The following EYS variants were observed in gnomAD, a reference collection of about 807,000 sequenced individuals.
EYS encodes EGF-like photoreceptor maintenance factor.
Under a neutral mutation model 282.1 loss-of-function variants are expected in EYS, and 250 were observed. The ratio of observed to expected loss-of-function variants is 0.89; its 90% CI spans 0.80 to 0.98. The LOEUF is 0.98. Among genes scored for constraint, EYS ranks in the 50% least tolerant of loss-of-function variants. The pLI, the probability that EYS is intolerant of heterozygous loss-of-function variation, is 0.00. For missense variants in EYS, 4,016 were observed against 3,709.0 expected (o/e 1.08, Z -2.15); for synonymous variants, 1,355 against 1,282.9 (o/e 1.06, Z -1.20).
intron 10 of EYS, among the ~76,000 whole-genome samples, chr6:65,341,118 G>A (rs555900943): frequency 6.6e-6 from 1 of 151,180 alleles, no homozygotes; most frequent in Non-Finnish European, 1.5e-5. Context: ...GGAGAGGAAA[G>A]CGTGGGTTCT....
intron 22 of EYS, among the ~76,000 whole-genome samples, chr6:64,667,078 G>A (rs1769257633): frequency 1.3e-5 from 2 of 151,736 alleles, no homozygotes; most frequent in South Asian, 4.1e-4. Flanking sequence ...GAGTTTCATA[G>A]TTGATATTTA....
chr6:65,070,833 A>G (rs1478817658), intron 12 of EYS, among the ~76,000 whole-genome samples: 1 of 151,874 alleles, frequency 6.6e-6, no homozygotes, highest in Non-Finnish European at 1.5e-5. Context: ...TTTCCCTACT[A>G]TTGACCATTT....
chr6:64,060,474 AAGT>A (rs957889979), intron 33 of EYS, among the ~76,000 whole-genome samples: 8 of 152,114 alleles, frequency 5.3e-5, no homozygotes, highest in African/African-American at 1.7e-4. Flanking sequence ...GTATTATAAG[AAGT>A]AGTCTATTTT....
chr6:64,641,837 A>G (rs1182684778), intron 22 of EYS, among the ~76,000 whole-genome samples: 1 of 152,198 alleles, frequency 6.6e-6, no homozygotes, highest in Non-Finnish European at 1.5e-5. Flanking sequence ...TGAACCTCAT[A>G]TGCAGGGGAA....
intron 19 of EYS, among the ~76,000 whole-genome samples, chr6:64,851,807 G>A (rs1354325962): frequency 6.6e-6 from 1 of 152,002 alleles, no homozygotes; most frequent in African/African-American, 2.4e-5. Context: ...AGGGTGGAGG[G>A]TGGGAGAAGG....
chr6:64,984,893 G>A lies in EYS; in HGVS notation c.2259+12689C>T, dbSNP rs1410248798. On this transcript the variant is annotated intron_variant, in intron 14 of 42. Coordinates refer to ENST00000503581, the MANE Select transcript of EYS (RefSeq NM_001142800.2). ...GCTTCCGGAAATTATTGACTTTCAAGAATTTTTGAGATTCTGCCTCCCTTT... is the reference window on the plus strand; with the variant it reads ...GCTTCCGGAAATTATTGACTTTCAAAAATTTTTGAGATTCTGCCTCCCTTT... Among the ~76,000 whole-genome samples, 4 of 151,402 alleles carry A rather than the reference G, an allele frequency of 2.6e-5. No homozygotes were observed. The Admixed American group carries it at 2.6e-4, about 10-fold the overall frequency.
chr6:65,434,239 G>C (rs1352679942), intron 5 of EYS, among the ~76,000 whole-genome samples: 2 of 151,696 alleles, frequency 1.3e-5, no homozygotes, highest in African/African-American at 4.8e-5. Flanking sequence ...CAAGTATTGT[G>C]ACATAAAATT....
intron 35 of EYS, among the ~76,000 whole-genome samples, chr6:63,868,322 G>GA (rs1772717317): frequency 1.3e-5 from 2 of 152,008 alleles, no homozygotes; most frequent in Non-Finnish European, 2.9e-5. Flanking sequence ...GTTACCTTTA[G>GA]AAAAATTTAG....
chr6:64,545,767 C>A (rs567616343), intron 26 of EYS, among the ~76,000 whole-genome samples: 1 of 152,118 alleles, frequency 6.6e-6, no homozygotes, highest in Non-Finnish European at 1.5e-5. Context: ...AACTCCCATT[C>A]ACAATTGTTT....
chr6:64,623,282 A>C (rs1388863909), intron 23 of EYS, among the ~76,000 whole-genome samples: 1 of 152,126 alleles, frequency 6.6e-6, no homozygotes, highest in Non-Finnish European at 1.5e-5. Context: ...CTTTATGAGG[A>C]GTTTCTCTTC....
intron 7 of EYS, among the ~76,000 whole-genome samples, chr6:65,401,358 T>C (rs1766486572): frequency 6.6e-6 from 1 of 151,536 alleles, no homozygotes; most frequent in Admixed American, 6.6e-5. Context: ...AATTTTTTTT[T>C]AATCAGTCAG....
intron 29 of EYS, among the ~76,000 whole-genome samples, chr6:64,332,307 G>A (rs922726554): frequency 6.6e-6 from 1 of 152,156 alleles, no homozygotes; most frequent in Admixed American, 6.5e-5. Context: ...AATAAATTGG[G>A]GAATTAACCT....
chr6:64,598,136 A>G (rs1042058382), intron 24 of EYS, among the ~76,000 whole-genome samples: 21 of 152,212 alleles, frequency 1.4e-4, no homozygotes, highest in African/African-American at 5.1e-4. Flanking sequence ...ATCCCTTACC[A>G]TAATGGATAC....
chr6:64,250,679 G>A (rs1019935140), intron 30 of EYS, among the ~76,000 whole-genome samples: 7 of 152,184 alleles, frequency 4.6e-5, no homozygotes, highest in South Asian at 2.1e-4. Flanking sequence ...CGATAAATTC[G>A]TGCTGGATAT....
Position 65,625,229 on chromosome 6 carries a change from A to T in EYS, c.-333+14549T>A, listed in dbSNP as rs559331368. Among the ~76,000 whole-genome samples, 50 of 152,322 alleles carry T rather than the reference A, an allele frequency of 3.3e-4. 1 individual carries two copies. The South Asian group carries it at 8.5e-3, about 26-fold the overall frequency. The stretch of plus-strand genomic sequence containing the variant: ...ATCTGAGCGAGCAAGGAAACAGATT[A>T]TCTTATATTCCCCGAAAAGCCATGG... On this transcript the variant is annotated intron_variant, in intron 2 of 42. Coordinates refer to ENST00000503581, the MANE Select transcript of EYS (RefSeq NM_001142800.2).
intron 2 of EYS, among the ~76,000 whole-genome samples, chr6:65,503,558 C>A (rs1766538513): frequency 6.6e-6 from 1 of 151,574 alleles, no homozygotes; most frequent in Admixed American, 6.6e-5. Context: ...CCTATGTTTT[C>A]TCCTAGAAAT....
At position 64,340,114 on chromosome 6, in the gene EYS, C is replaced by T. The variant is rs183906145; in HGVS notation, c.6079-33032G>A. On this transcript the variant is annotated intron_variant, in intron 29 of 42. Coordinates refer to ENST00000503581, the MANE Select transcript of EYS (RefSeq NM_001142800.2). ...ATTTAACAATTTAAATAGGTTTTGCCTATTTTTCAGCCCTGTAGAAGTATA... is the reference window on the plus strand; with the variant it reads ...ATTTAACAATTTAAATAGGTTTTGCTTATTTTTCAGCCCTGTAGAAGTATA... Among the ~76,000 whole-genome samples the T allele has an allele frequency of 3.2e-3, 477 of 151,398 alleles. 2 individuals carry two copies. Among genetic ancestry groups the T allele is most frequent in the African/African-American group, 0.011 (445 of 41,330 alleles).
At chr6:65,218,821 G>T (rs1334331751) in intron 12 of EYS, among the ~76,000 whole-genome samples, 1 of 151,984 alleles carries the variant, frequency 6.6e-6, no homozygotes, top group African/African-American at 2.4e-5. Context: ...AATTAAAGAG[G>T]AATAAGGAGT....
chr6:64,590,291 G>T lies in EYS; in HGVS notation c.5576C>A (p.Pro1859His), dbSNP rs1449547805. The T allele has an allele frequency of 5.2e-6, 8 of 1,551,040 alleles. No homozygotes were observed. Among genetic ancestry groups the T allele is most frequent in the Non-Finnish European group, 3.5e-6 (4 of 1,146,618 alleles). The change falls in exon 26 of 43, where the codon CCC becomes CAC. Residue 1859 changes from proline (P) to histidine (H), a missense_variant. Transcript: ENST00000503581. ...QEFPTASRHL[P>H]FTRSLTLSSL... ...AGACAAAGTAAGAGATCTAGTGAAG[G>T]GAAGATGCCGGCTTGCAGTGGGAAA...
Sources: gnomAD v4.1 joint callset for allele counts (sites outside exome capture counted in the v4.1 genomes callset) on GRCh38, gnomAD v4.1.1 for gene constraint, MANE v1.5 for transcripts, NCBI Gene and HGNC (gene_info 2026-07-23, HGNC 2026-07-21) for gene names.